PPARGC1A: variants seen among roughly 807,000 people sequenced by gnomAD.
PPARGC1A encodes the protein PPARG coactivator 1 alpha, also known as peroxisome proliferator-activated receptor gamma coactivator 1-alpha.
A neutral mutation model predicts 88.7 loss-of-function variants in PPARGC1A; 25 were observed. The observed-to-expected ratio is 0.28, with a 90% CI of 0.21 to 0.39. The LOEUF (loss-of-function observed/expected upper bound fraction) is 0.39. Among genes scored for constraint, PPARGC1A ranks in the 10% least tolerant of loss-of-function variants. PPARGC1A has a pLI of 1.00. For missense variants in PPARGC1A, 880 were observed against 968.7 expected (o/e 0.91, Z 1.22); for synonymous variants, 363 against 355.6 (o/e 1.02, Z -0.24).
chr4:24,044,678 G>C, the PPARGC1A span, among the ~76,000 whole-genome samples: 2 of 152,158 alleles, frequency 1.3e-5, no homozygotes, highest in African/African-American at 4.8e-5. Context: ...AGCCATAAGA[G>C]CACTGGGTGC....
chr4:24,268,069 A>T, the PPARGC1A span, among the ~76,000 whole-genome samples: 19 of 152,232 alleles, frequency 1.2e-4, no homozygotes, highest in Non-Finnish European at 2.1e-4. Context: ...ACAACAAAAA[A>T]ATGTAATTTT....
chr4:24,057,697 G>C, the PPARGC1A span, among the ~76,000 whole-genome samples: 1 of 152,134 alleles, frequency 6.6e-6, no homozygotes, highest in East Asian at 1.9e-4. Flanking sequence ...TTCCTGAGAG[G>C]AAGATGCAGG....
chr4:24,403,184 G>T, the PPARGC1A span, among the ~76,000 whole-genome samples: 1 of 152,180 alleles, frequency 6.6e-6, no homozygotes, highest in South Asian at 2.1e-4. Flanking sequence ...TCCCCAAAAG[G>T]ACACAATGCC....
chr4:24,099,202 T>C, the PPARGC1A span, among the ~76,000 whole-genome samples: 1 of 147,306 alleles, frequency 6.8e-6, no homozygotes, highest in East Asian at 2.0e-4. Context: ...GCAGATCTAA[T>C]GACTAGATTG....
the PPARGC1A span, among the ~76,000 whole-genome samples, chr4:24,109,036 C>CACA: frequency 4.7e-3 from 605 of 128,460 alleles, 4 homozygotes; most frequent in African/African-American, 0.021. Context: ...CACACACACA[C>CACA]CACACACACA....
the PPARGC1A span, among the ~76,000 whole-genome samples, chr4:24,345,127 T>C: frequency 6.6e-6 from 1 of 152,188 alleles, no homozygotes; most frequent in East Asian, 1.9e-4. Flanking sequence ...CCTATTTTTA[T>C]ACCAGTACCA....
intron 2 of PPARGC1A, chr4:23,884,461 T>C (rs916021273): frequency 7.7e-6 from 3 of 390,820 alleles, no homozygotes; most frequent in Non-Finnish European, 1.4e-5. Context: ...TTTGTTCTTC[T>C]TTGTCACTAA....
chr4:23,962,236 A>G, the PPARGC1A span, among the ~76,000 whole-genome samples: 1 of 152,110 alleles, frequency 6.6e-6, no homozygotes, highest in Admixed American at 6.6e-5. Flanking sequence ...CAATTGTCAA[A>G]TTCTGTTGTA....
At chr4:24,144,233 C>T in the PPARGC1A span, among the ~76,000 whole-genome samples, 1 of 152,160 alleles carries the variant, frequency 6.6e-6, no homozygotes, top group Non-Finnish European at 1.5e-5. Context: ...CAGATGGTAA[C>T]TGTTTTGATT....
At chr4:24,206,404 T>A in the PPARGC1A span, among the ~76,000 whole-genome samples, 1 of 152,332 alleles carries the variant, frequency 6.6e-6, no homozygotes, top group South Asian at 2.1e-4. Flanking sequence ...GCTATAAATT[T>A]GCAATAACAC....
At chr4:24,033,266 T>C in the PPARGC1A span, among the ~76,000 whole-genome samples, 9 of 152,136 alleles carry the variant, frequency 5.9e-5, no homozygotes, top group Non-Finnish European at 1.5e-5. Context: ...CCTCAAAGAG[T>C]TGAGGTAACA....
At chr4:24,335,116 T>C in the PPARGC1A span, among the ~76,000 whole-genome samples, 8 of 152,292 alleles carry the variant, frequency 5.3e-5, no homozygotes, top group East Asian at 1.5e-3. Flanking sequence ...CTGTCTAAAT[T>C]GCTAGGCAGG....
At chr4:24,363,830 G>A in the PPARGC1A span, among the ~76,000 whole-genome samples, 1 of 152,088 alleles carries the variant, frequency 6.6e-6, no homozygotes, top group African/African-American at 2.4e-5. Flanking sequence ...CTTATAAGGA[G>A]CAGAATTAAT....
chr4:24,350,106 G>T, the PPARGC1A span, among the ~76,000 whole-genome samples: 1 of 152,206 alleles, frequency 6.6e-6, no homozygotes, highest in Non-Finnish European at 1.5e-5. Context: ...GGAGAGGAGG[G>T]TCTCCCTTTC....
chr4:23,862,478 T>C (rs1355933918), intron 2 of PPARGC1A, among the ~76,000 whole-genome samples: 1 of 151,124 alleles, frequency 6.6e-6, no homozygotes, highest in Admixed American at 6.6e-5. Context: ...CGAATTTGAC[T>C]GTTGGAGTTA....
the PPARGC1A span, among the ~76,000 whole-genome samples, chr4:24,208,733 G>A: frequency 1.2e-4 from 17 of 147,628 alleles, no homozygotes; most frequent in South Asian, 4.3e-4. Context: ...ACAGTAATAC[G>A]TATAATTCAT....
At chr4:24,394,541 G>A in the PPARGC1A span, among the ~76,000 whole-genome samples, 1 of 152,170 alleles carries the variant, frequency 6.6e-6, no homozygotes, top group African/African-American at 2.4e-5. Flanking sequence ...GAGAAGAAAA[G>A]CTAAGAGATC....
chr4:23,933,619 G>A, the PPARGC1A span, among the ~76,000 whole-genome samples: 2 of 152,182 alleles, frequency 1.3e-5, no homozygotes, highest in Non-Finnish European at 2.9e-5. Context: ...ACTCTGAGAG[G>A]CTAGAAAGCA....
intron 1 of PPARGC1A, among the ~76,000 whole-genome samples, chr4:23,898,834 A>T (rs951218304): frequency 1.7e-4 from 22 of 133,260 alleles, no homozygotes; most frequent in African/African-American, 5.2e-4. Flanking sequence ...TGAGGTGGGT[A>T]TTTTTTTTTT....
Sources: gnomAD v4.1 joint callset for allele counts (sites outside exome capture counted in the v4.1 genomes callset) on GRCh38, gnomAD v4.1.1 for gene constraint, MANE v1.5 for transcripts, NCBI Gene and HGNC (gene_info 2026-07-23, HGNC 2026-07-21) for gene names.